DOCK1: variants seen among roughly 807,000 people sequenced by gnomAD.
DOCK1 encodes dedicator of cytokinesis 1.
In DOCK1, 138 loss-of-function variants were observed where a neutral mutation model predicts 262.7. That is an observed-to-expected ratio of 0.53 (90% CI 0.46 to 0.61). The LOEUF (loss-of-function observed/expected upper bound fraction) is 0.61. Among genes scored for constraint, DOCK1 ranks in the 20% least tolerant of loss-of-function variants. The pLI, the probability that DOCK1 is intolerant of heterozygous loss-of-function variation, is 0.00. For missense variants in DOCK1, 1,908 were observed against 2,370.7 expected (o/e 0.80, Z 4.05); for synonymous variants, 866 against 867.4 (o/e 1.00, Z 0.03).
chr10:127,423,429 C>T (rs1333342272), intron 46 of DOCK1, among the ~76,000 whole-genome samples: 1 of 152,166 alleles, frequency 6.6e-6, no homozygotes, highest in Non-Finnish European at 1.5e-5. Context: ...GATGGGCTGA[C>T]CTGCTCCTCG....
At chr10:127,248,910 G>A (rs1286183335) in intron 28 of DOCK1, among the ~76,000 whole-genome samples, 2 of 152,082 alleles carry the variant, frequency 1.3e-5, no homozygotes, top group Non-Finnish European at 2.9e-5. Flanking sequence ...GAGTACGAAC[G>A]CTATTGTGAA....
chr10:127,174,945 T>G (rs2054940554), intron 27 of DOCK1, among the ~76,000 whole-genome samples: 3 of 152,292 alleles, frequency 2.0e-5, no homozygotes, highest in South Asian at 4.1e-4. Context: ...AAAGGAAAGG[T>G]CTATCAATTC....
chr10:127,123,579 A>G (rs1435445665), intron 25 of DOCK1, among the ~76,000 whole-genome samples: 1 of 152,192 alleles, frequency 6.6e-6, no homozygotes, highest in Non-Finnish European at 1.5e-5. Context: ...AGTTGGATGT[A>G]GTTTGTAAAC....
chr10:127,156,838 G>A (rs1172244089), intron 27 of DOCK1, among the ~76,000 whole-genome samples: 7 of 152,112 alleles, frequency 4.6e-5, no homozygotes, highest in African/African-American at 1.7e-4. Context: ...AAAGTGTTGG[G>A]ATTACAGGCG....
chr10:127,100,204 G>A lies in DOCK1; in HGVS notation c.2446-6027G>A, dbSNP rs1448062511. 1.3e-5 allele frequency among the ~76,000 whole-genome samples: 2 copies of A among 152,214 alleles called. No homozygotes were observed. Among genetic ancestry groups the A allele is most frequent in the African/African-American group, 2.4e-5 (1 of 41,468 alleles). On this transcript the variant is annotated intron_variant, in intron 23 of 51. Transcript: ENST00000623213. The surrounding 1 kb of genome is among the most constrained non-coding windows in gnomAD (Gnocchi z 5.5). The stretch of plus-strand genomic sequence containing the variant: ...TGAGGAGTGTCCTTGAGGGGTCAGC[G>A]TGGAGGCAGGGAGGGCGGGTAGGAG...
At chr10:127,257,940 T>C (rs2134957772) in intron 29 of DOCK1, among the ~76,000 whole-genome samples, 1 of 152,316 alleles carries the variant, frequency 6.6e-6, no homozygotes, top group Non-Finnish European at 1.5e-5. Flanking sequence ...GTTTTATCAT[T>C]TCTGTAAGCA....
At chr10:127,431,681 C>T (rs1203851231) in intron 47 of DOCK1, among the ~76,000 whole-genome samples, 1 of 152,206 alleles carries the variant, frequency 6.6e-6, no homozygotes, top group Non-Finnish European at 1.5e-5. Context: ...AACTGTGGCC[C>T]CTGGCGTGGT....
chr10:127,092,924 G>A (rs1251464806), intron 23 of DOCK1, among the ~76,000 whole-genome samples: 2 of 152,156 alleles, frequency 1.3e-5, no homozygotes, highest in Non-Finnish European at 2.9e-5. Flanking sequence ...TCGTCCCTCA[G>A]GGCTGCTGTC....
intron 38 of DOCK1, among the ~76,000 whole-genome samples, chr10:127,397,588 A>G (rs994477431): frequency 2.6e-5 from 4 of 151,618 alleles, no homozygotes; most frequent in African/African-American, 9.7e-5. Flanking sequence ...TTGTGATCTG[A>G]GCATGAGTTA....
chr10:127,018,418 AT>A (rs749870337), intron 12 of DOCK1, among the ~76,000 whole-genome samples: 116 of 152,316 alleles, frequency 7.6e-4, no homozygotes, highest in Non-Finnish European at 1.2e-3. Context: ...CAAAAGAGAC[AT>A]TGGTCCTTGG....
chr10:127,283,372 A>G (rs1355332718), intron 29 of DOCK1, among the ~76,000 whole-genome samples: 1 of 152,236 alleles, frequency 6.6e-6, no homozygotes, highest in East Asian at 1.9e-4. Flanking sequence ...CCACCTTTGT[A>G]GTCTTGTCAC....
chr10:127,204,437 C>T (rs1486773798), intron 27 of DOCK1, among the ~76,000 whole-genome samples: 2 of 152,100 alleles, frequency 1.3e-5, no homozygotes, highest in Non-Finnish European at 2.9e-5. Context: ...CAGGCATGCA[C>T]CACCACACCC....
chr10:127,061,925 T>G, intron 23 of DOCK1, 149 bp downstream of exon 23: 1 of 442,592 alleles, frequency 2.3e-6, no homozygotes. Context: ...TTTCAAGAGC[T>G]GTGCTTTTTT....
intron 1 of DOCK1, among the ~76,000 whole-genome samples, chr10:126,906,975 C>T (rs1291464638): frequency 6.6e-6 from 1 of 152,146 alleles, no homozygotes; most frequent in Non-Finnish European, 1.5e-5. Flanking sequence ...CCCATCTCCC[C>T]ATTTTGCAGA....
chr10:127,032,454 T>G lies in DOCK1; in HGVS notation c.1912+134T>G, dbSNP rs2043306774. The G allele has an allele frequency of 7.5e-6, 7 of 934,588 alleles. No homozygotes were observed. In the East Asian group the frequency reaches 2.1e-4, roughly 28 times the overall value. 57.9% of individuals were successfully genotyped at this position (934,588 alleles called of 1,614,324 possible). ...CCATAAGGCATTCATTGCATCGGGCTGTGATGATTTATCAATGCATAGAAG... is the reference window on the plus strand; with the variant it reads ...CCATAAGGCATTCATTGCATCGGGCGGTGATGATTTATCAATGCATAGAAG... On this transcript the variant is annotated intron_variant, in intron 18 of 51. Transcript: ENST00000623213.
chr10:127,148,030 C>CAAAAA (rs57503481), intron 27 of DOCK1, among the ~76,000 whole-genome samples: 5 of 63,316 alleles, frequency 7.9e-5, no homozygotes, highest in Non-Finnish European at 1.3e-4. Flanking sequence ...GACTCTGTCT[C>CAAAAA]AAAAAAAAAA....
At chr10:127,294,947 G>T (rs1351033849) in intron 29 of DOCK1, among the ~76,000 whole-genome samples, 1 of 152,156 alleles carries the variant, frequency 6.6e-6, no homozygotes, top group Non-Finnish European at 1.5e-5. Context: ...TGGCCAAGTT[G>T]TCCTATTCTT....
intron 21 of DOCK1, among the ~76,000 whole-genome samples, chr10:127,051,145 T>C (rs374730228): frequency 6.6e-6 from 1 of 152,178 alleles, no homozygotes; most frequent in East Asian, 1.9e-4. Flanking sequence ...GTGTGTAAAC[T>C]TTTTTATCAT....
chr10:127,149,148 A>C (rs959059083), intron 27 of DOCK1, among the ~76,000 whole-genome samples: 2 of 152,162 alleles, frequency 1.3e-5, no homozygotes, highest in African/African-American at 4.8e-5. Context: ...CCATAGTTAC[A>C]TCCCTTGCAT....
Sources: gnomAD v4.1 joint callset for allele counts (sites outside exome capture counted in the v4.1 genomes callset) on GRCh38, gnomAD v4.1.1 for gene constraint, Gnocchi (gnomAD v3.1) non-coding constraint, MANE v1.5 for transcripts, NCBI Gene and HGNC (gene_info 2026-07-23, HGNC 2026-07-21) for gene names.